The following IMMP2L variants were observed in gnomAD, a reference collection of about 807,000 sequenced individuals.
IMMP2L encodes the protein mitochondrial inner membrane protease subunit 2.
A neutral mutation model predicts 19.3 loss-of-function variants in IMMP2L; 18 were observed. The ratio of observed to expected loss-of-function variants is 0.93; its 90% confidence interval spans 0.64 to 1.38. IMMP2L has a LOEUF of 1.38. Among genes scored for constraint, IMMP2L ranks in the 40% most tolerant of loss-of-function variants. IMMP2L has a pLI of 0.00. For synonymous variants in IMMP2L, 76 were observed against 73.0 expected (o/e 1.04, Z -0.21); for missense variants, 233 against 218.2 (o/e 1.07, Z -0.43).
At chr7:110,842,995 C>T (rs1004558628) in intron 5 of IMMP2L, among the ~76,000 whole-genome samples, 1 of 152,020 alleles carries the variant, frequency 6.6e-6, no homozygotes, top group Non-Finnish European at 1.5e-5. Flanking sequence ...ACTAAATTAG[C>T]TATATCGAAT....
intron 3 of IMMP2L, among the ~76,000 whole-genome samples, chr7:111,253,813 A>C (rs755872526): frequency 6.6e-6 from 1 of 152,162 alleles, no homozygotes; most frequent in Non-Finnish European, 1.5e-5. Flanking sequence ...AAGCCAGGCA[A>C]GTAATGAAAG....
chr7:110,806,013 A>T (rs1200795180), intron 5 of IMMP2L, among the ~76,000 whole-genome samples: 3 of 152,032 alleles, frequency 2.0e-5, no homozygotes, highest in African/African-American at 4.8e-5. Flanking sequence ...GAAGCCATTC[A>T]TTCAATAAAT....
chr7:111,390,880 C>A (rs1251684932), intron 3 of IMMP2L: 1 of 152,094 alleles, frequency 6.6e-6, no homozygotes, highest in African/African-American at 2.4e-5. Context: ...AATGCAGACA[C>A]ATTAACACGT....
rs564828939 is a variant in IMMP2L at position 111,092,082 on chromosome 7, T to C, written c.240-128517A>G. 1.2e-4 allele frequency among the ~76,000 whole-genome samples: 18 copies of C among 152,210 alleles called. No individual in the cohort carries two copies. The East Asian group carries it at 3.5e-3, about 29-fold the overall frequency. ...TTAAGAGCTAAACCACTAAGCAGAG[T>C]AGCAGAATGAGCATATCACAAACAG... On this transcript the variant is annotated intron_variant, in intron 3 of 5. Transcript: ENST00000405709.
At chr7:110,993,452 T>C (rs1358719974) in intron 3 of IMMP2L, among the ~76,000 whole-genome samples, 1 of 152,104 alleles carries the variant, frequency 6.6e-6, no homozygotes, top group African/African-American at 2.4e-5. Context: ...TTGAAATTCT[T>C]ATCAACACCA....
intron 5 of IMMP2L, among the ~76,000 whole-genome samples, chr7:110,815,182 T>G (rs951111803): frequency 6.6e-6 from 1 of 152,160 alleles, no homozygotes; most frequent in African/African-American, 2.4e-5. Flanking sequence ...TGAAGCGCTG[T>G]TGAATTTTGT....
At chr7:110,972,979 G>T (rs373118142) in intron 3 of IMMP2L, among the ~76,000 whole-genome samples, 12 of 152,032 alleles carry the variant, frequency 7.9e-5, no homozygotes, top group African/African-American at 2.7e-4. Flanking sequence ...TCTATTGTTT[G>T]TAAGAAAATG....
At chr7:111,140,783 A>G (rs997766865) in intron 3 of IMMP2L, among the ~76,000 whole-genome samples, 1 of 152,190 alleles carries the variant, frequency 6.6e-6, no homozygotes, top group African/African-American at 2.4e-5. Context: ...CCAAGTTATT[A>G]AGACTGTTCG....
chr7:111,192,301 C>G, intron 3 of IMMP2L, among the ~76,000 whole-genome samples: 1 of 152,026 alleles, frequency 6.6e-6, no homozygotes, highest in East Asian at 1.9e-4. Context: ...AAATACTACA[C>G]CATGATATAA....
intron 3 of IMMP2L, among the ~76,000 whole-genome samples, chr7:111,114,665 G>A (rs956282227): frequency 2.0e-5 from 3 of 151,326 alleles, no homozygotes; most frequent in African/African-American, 7.3e-5. Context: ...GAACCCAGGA[G>A]GTGGAGGGTG....
rs549967718 is a variant in IMMP2L, at chr7:111,281,034, C to G, written c.239+206204G>C. On this transcript the variant is annotated intron_variant, in intron 3 of 5. Transcript: ENST00000405709. ...GCTGTGAGTGGAGATCACGCCACTG[C>G]ACTCCAGCCTGGGCAACAGAGCGAG... Among the ~76,000 whole-genome samples, 5 of 150,824 alleles carry G rather than the reference C, an allele frequency of 3.3e-5. No homozygotes were observed. The South Asian group carries it at 1.1e-3, about 32-fold the overall frequency.
intron 1 of IMMP2L, among the ~76,000 whole-genome samples, chr7:111,545,027 T>C (rs1280405670): frequency 6.6e-6 from 1 of 151,952 alleles, no homozygotes; most frequent in African/African-American, 2.4e-5. Context: ...GAACAAAATA[T>C]CTGCATCCAG....
intron 3 of IMMP2L, among the ~76,000 whole-genome samples, chr7:111,193,887 G>A (rs562566564): frequency 6.6e-6 from 1 of 152,044 alleles, no homozygotes; most frequent in Non-Finnish European, 1.5e-5. Context: ...TATTTAATCT[G>A]TGTCCTACTC....
intron 3 of IMMP2L, among the ~76,000 whole-genome samples, chr7:111,127,604 T>C (rs1283203213): frequency 1.3e-5 from 2 of 152,144 alleles, no homozygotes; most frequent in South Asian, 2.1e-4. Flanking sequence ...GAGAATGGTG[T>C]TTCATACTCT....
chr7:111,017,801 G>A (rs779468523), intron 3 of IMMP2L, among the ~76,000 whole-genome samples: 4 of 152,152 alleles, frequency 2.6e-5, no homozygotes, highest in African/African-American at 9.7e-5. Flanking sequence ...GCAGATGACC[G>A]TGGTAGGAGC....
intron 3 of IMMP2L, among the ~76,000 whole-genome samples, chr7:111,236,511 G>C (rs1814330889): frequency 6.6e-6 from 1 of 152,104 alleles, no homozygotes; most frequent in Admixed American, 6.6e-5. Context: ...TCCCAGCCCT[G>C]TATAAATTCT....
intron 3 of IMMP2L, among the ~76,000 whole-genome samples, chr7:111,113,482 T>A (rs1265987909): frequency 1.3e-5 from 2 of 152,268 alleles, no homozygotes; most frequent in African/African-American, 4.8e-5. Context: ...AGCATACTTG[T>A]GCCTGTTCAT....
chr7:111,129,433 T>C (rs964079244), intron 3 of IMMP2L, among the ~76,000 whole-genome samples: 2 of 150,692 alleles, frequency 1.3e-5, no homozygotes, highest in East Asian at 1.9e-4. Flanking sequence ...GTTATATATA[T>C]TATTACCATT....
chr7:111,556,014 G>GTATATA lies in IMMP2L; in HGVS notation c.-3+5836_-3+5837insTATATA. Among the ~76,000 whole-genome samples, 11 of 114,598 alleles carry GTATATA rather than the reference G, an allele frequency of 9.6e-5. No individual in the cohort carries two copies. The South Asian group carries it at 2.8e-3, about 29-fold the overall frequency. The allele number at this position is 114,598 out of a possible 152,430, so 75.2% of individuals were successfully genotyped here. The stretch of plus-strand genomic sequence containing the variant: ...CCAATTAGCCATCCCTCTTCTGTGT[G>GTATATA]CATGTATATATATATATATATACAT... On this transcript the variant is annotated intron_variant, in intron 1 of 5. Coordinates refer to ENST00000405709, the MANE Select transcript of IMMP2L (RefSeq NM_032549.4).
Sources: gnomAD v4.1 joint callset for allele counts (sites outside exome capture counted in the v4.1 genomes callset) on GRCh38, gnomAD v4.1.1 for gene constraint, MANE v1.5 for transcripts, NCBI Gene and HGNC (gene_info 2026-07-23, HGNC 2026-07-21) for gene names.